TNS3: variants seen among roughly 807,000 people sequenced by gnomAD.
TNS3 encodes tensin 3, also known as tensin-3.
TNS3 carries 45 observed loss-of-function variants against 140.9 expected under a neutral mutation model. The observed-to-expected ratio is 0.32, with a 90% CI of 0.25 to 0.41. The LOEUF (loss-of-function observed/expected upper bound fraction) is 0.41, where lower values mean the gene tolerates loss of function less well. Among genes scored for constraint, TNS3 ranks in the 10% least tolerant of loss-of-function variants. TNS3 has a pLI of 1.00. For synonymous variants in TNS3, 815 were observed against 788.4 expected, an observed-to-expected ratio of 1.03 and a Z score of -0.56; for missense variants, 1,716 against 1,906.7, an observed-to-expected ratio of 0.90 and a Z score of 1.86.
rs142886817 is a variant in TNS3, at chr7:47,574,024, C to T, written c.-265+8027G>A. Among the ~76,000 whole-genome samples, 222 of 152,278 alleles carry T rather than the reference C, an allele frequency of 1.5e-3. 1 individual carries two copies. Among genetic ancestry groups the T allele is most frequent in the East Asian group, 6.8e-3 (35 of 5,166 alleles). ...ACCGCCTCACTCCAACTGCCCAGGGCCTGCATCGACGTTTTAACAGAGCCA... is the reference window on the plus strand; with the variant it reads ...ACCGCCTCACTCCAACTGCCCAGGGTCTGCATCGACGTTTTAACAGAGCCA... On this transcript the variant is annotated intron_variant, in intron 1 of 30. Transcript: ENST00000311160.
At chr7:47,524,795 C>G (rs1398105404) in intron 2 of TNS3, among the ~76,000 whole-genome samples, 4 of 106,482 alleles carry the variant, frequency 3.8e-5, no homozygotes, top group African/African-American at 1.7e-4. Context: ...GGCGACAGAG[C>G]GAGACTCCGT....
intron 1 of TNS3, among the ~76,000 whole-genome samples, chr7:47,572,487 T>A (rs1800580167): frequency 6.7e-6 from 1 of 149,490 alleles, no homozygotes. Context: ...AAATCTCTAC[T>A]AATAATAAGC....
At chr7:47,458,078 T>C (rs1796330269) in intron 4 of TNS3, among the ~76,000 whole-genome samples, 1 of 148,128 alleles carries the variant, frequency 6.8e-6, no homozygotes, top group Non-Finnish European at 1.5e-5. Context: ...ATAATGTCAA[T>C]ATGCCACATA....
intron 28 of TNS3, among the ~76,000 whole-genome samples, chr7:47,282,334 G>A (rs1231702499): frequency 6.7e-6 from 1 of 149,410 alleles, no homozygotes; most frequent in African/African-American, 2.5e-5. Context: ...CCCCGACCCT[G>A]AGTCTACCAT....
chr7:47,536,817 GCA>G (rs1428979618), intron 1 of TNS3, among the ~76,000 whole-genome samples: 3 of 152,174 alleles, frequency 2.0e-5, no homozygotes, highest in Non-Finnish European at 2.9e-5. Context: ...GCGCTCACAA[GCA>G]CACACGCGTG....
At chr7:47,349,520 G>T (rs761960947) in intron 17 of TNS3, among the ~76,000 whole-genome samples, 1 of 152,232 alleles carries the variant, frequency 6.6e-6, no homozygotes. Context: ...GGGAGTCAAG[G>T]CACCTGCAAA....
chr7:47,448,299 C>T (rs1195585242), intron 4 of TNS3, among the ~76,000 whole-genome samples: 1 of 152,216 alleles, frequency 6.6e-6, no homozygotes, highest in Non-Finnish European at 1.5e-5. Context: ...TGCAACAAAA[C>T]TTCCTTGAAG....
In TNS3 at chr7:47,411,800, T is replaced by G. The variant is rs200370598; in HGVS notation, c.650A>C (p.Asn217Thr). ...CCTGCTGGGGTTTTCTGGGCCAACG[T>G]TGCTTTGGGATGAAGAAGAAGGTAG... ...MQPVYTSGIY[N>T]VGPENPSRIC... Residue 217 changes from asparagine to threonine, a missense_variant and splice_region_variant, in exon 13 of 31, where the codon AAC becomes ACC. By Grantham distance (65) the Asn-to-Thr change is moderately conservative. Coordinates refer to ENST00000311160, the MANE Select transcript of TNS3 (RefSeq NM_022748.12). The G allele has an allele frequency of 9.3e-6, 15 of 1,613,366 alleles. No homozygotes were observed. Among genetic ancestry groups the G allele is most frequent in the Non-Finnish European group, 1.3e-5 (15 of 1,179,694 alleles).
chr7:47,514,456 A>T (rs574550958), intron 2 of TNS3, among the ~76,000 whole-genome samples: 1 of 152,312 alleles, frequency 6.6e-6, no homozygotes, highest in East Asian at 1.9e-4. Context: ...CTCTCCTAGC[A>T]GGTGCTTAAT....
intron 16 of TNS3, among the ~76,000 whole-genome samples, chr7:47,392,806 G>C (rs1277828883): frequency 1.3e-5 from 2 of 152,234 alleles, no homozygotes; most frequent in African/African-American, 2.4e-5. Context: ...GAAGAGAGGA[G>C]GGAAATTCAA....
chr7:47,425,238 A>G (rs1203829933), intron 9 of TNS3, among the ~76,000 whole-genome samples: 1 of 151,964 alleles, frequency 6.6e-6, no homozygotes, highest in Non-Finnish European at 1.5e-5. Context: ...AATCACTTGA[A>G]CCCGGGAGGC....
Position 47,372,478 on chromosome 7 carries a change from G to A in TNS3, c.1025-2857C>T, listed in dbSNP as rs548290849. ...AATCCTTCAGCTAGCTCCCTGCCCC[G>A]TATGCTAAGAACAGTACCTGATTAG... On this transcript the variant is annotated intron_variant, in intron 16 of 30. Coordinates refer to ENST00000311160, the MANE Select transcript of TNS3 (RefSeq NM_022748.12). 2.0e-4 allele frequency among the ~76,000 whole-genome samples: 30 copies of A among 152,274 alleles called. No homozygotes were observed. The South Asian group carries it at 3.5e-3, about 18-fold the overall frequency.
intron 7 of TNS3, among the ~76,000 whole-genome samples, chr7:47,435,979 A>G (rs919461781): frequency 4.6e-5 from 7 of 152,230 alleles, no homozygotes; most frequent in Non-Finnish European, 8.8e-5. Flanking sequence ...GTCCTGAGGC[A>G]CACACAAGTC....
chr7:47,443,710 C>T (rs1202946549), intron 4 of TNS3, among the ~76,000 whole-genome samples: 1 of 152,064 alleles, frequency 6.6e-6, no homozygotes, highest in Non-Finnish European at 1.5e-5. Context: ...TCACTTGAAG[C>T]CAGGAGTTCA....
At chr7:47,337,468 C>A (rs551088923) in intron 20 of TNS3, among the ~76,000 whole-genome samples, 13 of 152,306 alleles carry the variant, frequency 8.5e-5, no homozygotes, top group African/African-American at 3.1e-4. Context: ...GAAGCCAGAA[C>A]CTAATTTAAA....
chr7:47,470,856 G>T (rs554871949), intron 4 of TNS3, among the ~76,000 whole-genome samples: 2 of 152,248 alleles, frequency 1.3e-5, no homozygotes, highest in Non-Finnish European at 2.9e-5. Flanking sequence ...ATAGCTTCAG[G>T]AACAGTATCC....
At chr7:47,582,414 G>C (rs546070206), upstream of TNS3, 19 of 456,460 alleles carry the variant, frequency 4.2e-5, 1 homozygote, top group East Asian at 1.3e-3. Context: ...CCGCCGGGCC[G>C]GTGTTAGAGT....
intron 27 of TNS3, among the ~76,000 whole-genome samples, chr7:47,291,384 T>C (rs1283567175): frequency 6.6e-6 from 1 of 152,184 alleles, no homozygotes; most frequent in Non-Finnish European, 1.5e-5. Context: ...CCATAACATG[T>C]GCATCACTTT....
chr7:47,440,284 G>A (rs1795402101), intron 5 of TNS3, among the ~76,000 whole-genome samples: 1 of 152,098 alleles, frequency 6.6e-6, no homozygotes, highest in Admixed American at 6.5e-5. Context: ...ACCAGCTGGG[G>A]CATAATCAAA....
Sources: gnomAD v4.1 joint callset for allele counts (sites outside exome capture counted in the v4.1 genomes callset) on GRCh38, gnomAD v4.1.1 for gene constraint, MANE v1.5 for transcripts, NCBI Gene and HGNC (gene_info 2026-07-23, HGNC 2026-07-21) for gene names.